RAB7A: variants seen among roughly 807,000 people sequenced by gnomAD.
RAB7A encodes the protein ras-related protein Rab-7a.
In RAB7A, 2 loss-of-function variants were observed where a neutral mutation model predicts 24.5. The ratio of observed to expected loss-of-function variants is 0.08; its 90% CI spans 0.03 to 0.26. RAB7A has a LOEUF of 0.26. RAB7A is among the 10% of genes least tolerant of loss of function. The pLI is 1.00. For missense variants in RAB7A, 118 were observed against 255.7 expected (o/e 0.46, Z 3.67); for synonymous variants, 100 against 95.9 (o/e 1.04, Z -0.25).
intron 1 of RAB7A, among the ~76,000 whole-genome samples, chr3:128,786,979 G>C (rs902403334): frequency 1.3e-5 from 2 of 152,194 alleles, no homozygotes; most frequent in Non-Finnish European, 2.9e-5. Context: ...AAGATGCAAA[G>C]TTATACATGG....
chr3:128,789,327 CTTTTT>C (rs10575679), intron 1 of RAB7A, among the ~76,000 whole-genome samples: 1 of 131,722 alleles, frequency 7.6e-6, no homozygotes, highest in Non-Finnish European at 1.6e-5. Flanking sequence ...ACTTTGTAGC[CTTTTT>C]TTTTTTTTTT....
chr3:128,804,627 A>C (rs1327127537), intron 3 of RAB7A, among the ~76,000 whole-genome samples: 1 of 152,228 alleles, frequency 6.6e-6, no homozygotes, highest in African/African-American at 2.4e-5. Context: ...GTAACTTTCT[A>C]GGAACCCGTC....
chr3:128,796,311 T>C (rs1232677794), intron 2 of RAB7A, among the ~76,000 whole-genome samples: 1 of 151,934 alleles, frequency 6.6e-6, no homozygotes, highest in Non-Finnish European at 1.5e-5. Flanking sequence ...AAAAAAAATT[T>C]AGCCAGGTGC....
chr3:128,795,507 C>G, intron 2 of RAB7A, 87 bp downstream of exon 2: 1 of 1,285,092 alleles, frequency 7.8e-7, no homozygotes. Flanking sequence ...GCTGCCACTT[C>G]TTGCTTTCAT....
At position 128,797,573 on chromosome 3, in the gene RAB7A, T is replaced by G. The variant is rs180864992; in HGVS notation, c.54-370T>G. On this transcript the variant is annotated intron_variant, in intron 2 of 5. Coordinates refer to ENST00000265062, the MANE Select transcript of RAB7A (RefSeq NM_004637.6). ...CCACTAAATGGAGAAACATCTAAGA[T>G]AGCAGGGATACTGTTGGAATAGCAG... is the stretch of plus-strand genomic sequence containing the variant. Among the ~76,000 whole-genome samples, 220 of 152,366 alleles carry G rather than the reference T, an allele frequency of 1.4e-3. 1 individual carries two copies. Among genetic ancestry groups the G allele is most frequent in the Middle Eastern group, 0.014 (4 of 294 alleles).
intron 2 of RAB7A, 66 bp downstream of exon 2, chr3:128,795,486 A>C: frequency 7.0e-7 from 1 of 1,436,892 alleles, no homozygotes; most frequent in Non-Finnish European, 9.8e-7. Flanking sequence ...TGTGGAGCCC[A>C]CACTGTCCGT....
At position 128,806,545 on chromosome 3, in the gene RAB7A, C is replaced by T. The variant is rs774346438; in HGVS notation, c.354C>T (p.Phe118=). 6.2e-7 allele frequency: 1 copy of T among 1,614,168 alleles called. No homozygotes were observed. The highest frequency in any genetic ancestry group is 8.5e-7 in the Non-Finnish European group (1 of 1,180,026). The part of the protein sequence containing the change: ...IQASPRDPEN[F]PFVVLGNKID... ...CCAGTCCCCGAGATCCTGAAAACTTCCCATTTGTTGTGTTGGGAAACAAGA... is the reference window on the plus strand; with the variant it reads ...CCAGTCCCCGAGATCCTGAAAACTTTCCATTTGTTGTGTTGGGAAACAAGA... The change falls in exon 4 of 6, where the codon TTC becomes TTT. Residue 118 remains phenylalanine (F), a synonymous_variant. Transcript: ENST00000265062.
intron 1 of RAB7A, among the ~76,000 whole-genome samples, chr3:128,740,629 C>T (rs1272893244): frequency 6.6e-6 from 1 of 151,844 alleles, no homozygotes; most frequent in Non-Finnish European, 1.5e-5. Context: ...TGGTGGGTCA[C>T]TCATGCCTGT....
intron 1 of RAB7A, among the ~76,000 whole-genome samples, chr3:128,745,776 C>T (rs1174151711): frequency 1.3e-5 from 2 of 152,208 alleles, no homozygotes; most frequent in East Asian, 3.8e-4. Flanking sequence ...GGGACTCACC[C>T]CTTACTTTGA....
At chr3:128,768,684 G>C (rs779284314) in intron 1 of RAB7A, among the ~76,000 whole-genome samples, 26 of 151,234 alleles carry the variant, frequency 1.7e-4, no homozygotes, top group African/African-American at 6.3e-4. Context: ...TCAGCCCCAC[G>C]AGTAGCTGGA....
At chr3:128,787,787 T>A (rs1933372019) in intron 1 of RAB7A, among the ~76,000 whole-genome samples, 1 of 152,246 alleles carries the variant, frequency 6.6e-6, no homozygotes, top group African/African-American at 2.4e-5. Flanking sequence ...CATAGCTCAC[T>A]GGAGCCTTAA....
intron 1 of RAB7A, chr3:128,748,851 G>A (rs886934591): frequency 6.6e-6 from 1 of 152,200 alleles, no homozygotes; most frequent in Admixed American, 6.5e-5. Flanking sequence ...TCGTCTTGCA[G>A]TTCCACAAAG....
chr3:128,791,005 C>A (rs556796794), intron 1 of RAB7A, among the ~76,000 whole-genome samples: 5 of 152,072 alleles, frequency 3.3e-5, no homozygotes, highest in African/African-American at 1.2e-4. Context: ...TATTCAAATT[C>A]TTTTTTTCTC....
intron 1 of RAB7A, among the ~76,000 whole-genome samples, chr3:128,773,590 G>T (rs547886482): frequency 1.6e-4 from 24 of 152,352 alleles, no homozygotes; most frequent in African/African-American, 4.8e-4. Context: ...TCTGGGAGGT[G>T]TACCCAACAG....
At chr3:128,742,284 T>C (rs2070562440) in intron 1 of RAB7A, among the ~76,000 whole-genome samples, 2 of 152,016 alleles carry the variant, frequency 1.3e-5, no homozygotes, top group East Asian at 3.9e-4. Flanking sequence ...TCTCAGTGAG[T>C]GTTATAGCTC....
intron 1 of RAB7A, among the ~76,000 whole-genome samples, chr3:128,789,052 C>T (rs1346580202): frequency 2.0e-5 from 3 of 152,212 alleles, no homozygotes; most frequent in Admixed American, 1.3e-4. Flanking sequence ...CTCTGAGGAG[C>T]TTCTTCCGAT....
At chr3:128,729,889 T>A (rs1386460681) in intron 1 of RAB7A, among the ~76,000 whole-genome samples, 1 of 152,186 alleles carries the variant, frequency 6.6e-6, no homozygotes, top group Non-Finnish European at 1.5e-5. Context: ...AAACAGAGGT[T>A]CCCCTTGGCA....
intron 3 of RAB7A, among the ~76,000 whole-genome samples, chr3:128,804,162 T>G (rs1933755370): frequency 6.7e-6 from 1 of 150,170 alleles, no homozygotes; most frequent in Non-Finnish European, 1.5e-5. Context: ...CTTCAACTTA[T>G]AGTTACCTTT....
chr3:128,743,106 G>T (rs1052593728), intron 1 of RAB7A, among the ~76,000 whole-genome samples: 1 of 152,218 alleles, frequency 6.6e-6, no homozygotes, highest in East Asian at 1.9e-4. Flanking sequence ...TTCGAATGTG[G>T]CACAGGTGGG....
Sources: allele counts gnomAD v4.1 joint callset (sites outside exome capture counted in the v4.1 genomes callset), GRCh38; gene constraint gnomAD v4.1.1; transcripts MANE v1.5; gene names NCBI Gene and HGNC (gene_info 2026-07-23, HGNC 2026-07-21).